Variants in TLL2 observed in about 807,000 individuals in gnomAD.
The protein encoded by TLL2 is tolloid-like protein 2.
In TLL2, 106 loss-of-function variants were observed where a neutral mutation model predicts 123.0. The ratio of observed to expected loss-of-function variants is 0.86; its 90% CI spans 0.74 to 1.01. TLL2 has a LOEUF of 1.01. TLL2 is among the 50% of genes least tolerant of loss of function. The pLI is 0.00. For synonymous variants in TLL2, 494 were observed against 516.8 expected, an observed-to-expected ratio of 0.96 and a Z score of 0.60; for missense variants, 1,332 against 1,336.7, an observed-to-expected ratio of 1.00 and a Z score of 0.06.
intron 1 of TLL2, among the ~76,000 whole-genome samples, chr10:96,490,696 T>C (rs1847404125): frequency 1.3e-5 from 2 of 152,346 alleles, no homozygotes; most frequent in Non-Finnish European, 2.9e-5. Flanking sequence ...CACAAAGCTA[T>C]TGAATTCTTA....
intron 16 of TLL2, among the ~76,000 whole-genome samples, chr10:96,384,070 T>C (rs993450480): frequency 1.3e-5 from 2 of 152,134 alleles, no homozygotes; most frequent in Non-Finnish European, 2.9e-5. Context: ...TGAGATGAAA[T>C]CATCTTGGAT....
chr10:96,392,765 G>A (rs1846300903), intron 13 of TLL2, among the ~76,000 whole-genome samples: 1 of 152,192 alleles, frequency 6.6e-6, no homozygotes. Context: ...CTGTGAATCT[G>A]TTACCTTAAT....
At chr10:96,478,203 C>A (rs992127514) in intron 2 of TLL2, among the ~76,000 whole-genome samples, 1 of 152,216 alleles carries the variant, frequency 6.6e-6, no homozygotes, top group African/African-American at 2.4e-5. Context: ...GTCTCTCACT[C>A]CCATCTGCCA....
At chr10:96,375,146 G>A (rs12268514) in intron 18 of TLL2, among the ~76,000 whole-genome samples, 81,806 of 151,948 alleles carry the variant, frequency 0.54, 23,404 homozygotes, top group Non-Finnish European at 0.65. Context: ...CAAGGTGGTG[G>A]GTAGAGACAC....
chr10:96,470,733 T>C (rs80350559), intron 2 of TLL2, among the ~76,000 whole-genome samples: 13,166 of 152,270 alleles, frequency 0.086, 682 homozygotes, highest in Non-Finnish European at 0.12. Flanking sequence ...ATTAGCTGTA[T>C]GCTCACCAAC....
At chr10:96,471,294 C>T (rs769532839) in intron 2 of TLL2, among the ~76,000 whole-genome samples, 5 of 152,074 alleles carry the variant, frequency 3.3e-5, no homozygotes, top group Admixed American at 6.6e-5. Context: ...CGTGAGCCAC[C>T]GCACCCGGCC....
At chr10:96,510,035 A>T (rs1048530646) in intron 1 of TLL2, among the ~76,000 whole-genome samples, 2 of 152,220 alleles carry the variant, frequency 1.3e-5, no homozygotes, top group African/African-American at 2.4e-5. Flanking sequence ...TCCCACTCCC[A>T]TTTTGTAGAT....
intron 13 of TLL2, among the ~76,000 whole-genome samples, chr10:96,390,687 C>G (rs1167343908): frequency 1.3e-5 from 2 of 152,252 alleles, no homozygotes; most frequent in African/African-American, 4.8e-5. Flanking sequence ...GACACACGTG[C>G]TAGGTACGTT....
At position 96,447,174 on chromosome 10, in the gene TLL2, G is replaced by A. The variant is rs924353204; in HGVS notation, c.287-1006C>T. On this transcript the variant is annotated intron_variant, in intron 2 of 20. Coordinates refer to ENST00000357947, the MANE Select transcript of TLL2 (RefSeq NM_012465.4). ...CCTCCGCAGGGGAAGGATCCAGAAG[G>A]AGCCTAGACGGGGACTGGGCTTGTC... Among the ~76,000 whole-genome samples the A allele has an allele frequency of 7.9e-5, 12 of 152,330 alleles. No homozygotes were observed. The South Asian group carries it at 2.3e-3, about 29-fold the overall frequency.
At chr10:96,387,853 A>G (rs1457416172) in intron 13 of TLL2, among the ~76,000 whole-genome samples, 2 of 152,218 alleles carry the variant, frequency 1.3e-5, no homozygotes, top group Non-Finnish European at 2.9e-5. Context: ...CGCCACTGAA[A>G]AAAAGAAAAA....
chr10:96,391,362 G>A lies in TLL2; in HGVS notation c.1726+3825C>T, dbSNP rs117884997. 2.4e-4 allele frequency among the ~76,000 whole-genome samples: 37 copies of A among 152,296 alleles called. No individual in the cohort carries two copies. The East Asian group carries it at 6.9e-3, about 29-fold the overall frequency. Reference sequence around the variant, plus strand: ...GAGCGAATAGCTAGTAGGGAACATGGGACCAGCACCTCAAACTCCACTTGC... The same window carrying A: ...GAGCGAATAGCTAGTAGGGAACATGAGACCAGCACCTCAAACTCCACTTGC... On this transcript the variant is annotated intron_variant, in intron 13 of 20. Transcript: ENST00000357947.
chr10:96,455,538 G>A (rs1166023962), intron 2 of TLL2, among the ~76,000 whole-genome samples: 4 of 152,166 alleles, frequency 2.6e-5, no homozygotes, highest in Non-Finnish European at 5.9e-5. Flanking sequence ...AACAGGTTGT[G>A]GGAAAGAAGC....
chr10:96,476,240 A>ATATATATATATATATTTTTT, intron 2 of TLL2, among the ~76,000 whole-genome samples: 4 of 20,496 alleles, frequency 2.0e-4, no homozygotes, highest in Non-Finnish European at 3.0e-4. Flanking sequence ...ATATATATAT[A>ATATATATATATATATTTTTT]TTTTATTTTT....
chr10:96,372,627 G>A (rs946235936), intron 19 of TLL2, among the ~76,000 whole-genome samples: 8 of 152,176 alleles, frequency 5.3e-5, no homozygotes, highest in Admixed American at 3.3e-4. Context: ...AAATCACGGG[G>A]AACAGAAACA....
Position 96,378,977 on chromosome 10 carries a change from G to C in TLL2, c.2310C>G (p.Asp770Glu). The C allele has an allele frequency of 6.2e-7, 1 of 1,614,186 alleles. No homozygotes were observed. The highest frequency in any genetic ancestry group is 8.5e-7 in the Non-Finnish European group (1 of 1,180,006). ...GAGGTCCAGCCTCACCCTCTTTGCA[G>C]TCATGCCCATTCTCGTGGAGCCAGT... ...NGYWLHENGH[D>E]CKEAGCAHKI... The change falls in exon 17 of 21, where the codon GAC becomes GAG. Residue 770 changes from aspartate (D) to glutamate (E), a missense_variant. By Grantham distance (45) the Asp-to-Glu change is conservative. Coordinates refer to ENST00000357947, the MANE Select transcript of TLL2 (RefSeq NM_012465.4).
chr10:96,513,551 C>T lies in TLL2; in HGVS notation c.135G>A (p.Thr45=), dbSNP rs1404723572. Residue 45 remains threonine, a synonymous_variant, in exon 1 of 21, where the codon ACG becomes ACA. Coordinates refer to ENST00000357947, the MANE Select transcript of TLL2 (RefSeq NM_012465.4). ...DYSELDGEEG[T]EQQLEHYHDP... ...CGTGGTAATGCTCCAGCTGCTGCTC[C>T]GTGCCCTCCTCGCCGTCCAGCTCTG... 1.9e-6 allele frequency: 3 copies of T among 1,612,384 alleles called. No individual in the cohort carries two copies. Among genetic ancestry groups the T allele is most frequent in the South Asian group, 1.1e-5 (1 of 91,074 alleles).
chr10:96,389,448 TG>T (rs1180554488), intron 13 of TLL2, among the ~76,000 whole-genome samples: 6 of 152,014 alleles, frequency 3.9e-5, no homozygotes, highest in African/African-American at 1.2e-4. Context: ...AGTGGAGCAG[TG>T]CAGGCCTGAG....
At chr10:96,484,539 C>T (rs1027840161) in intron 1 of TLL2, among the ~76,000 whole-genome samples, 4 of 149,492 alleles carry the variant, frequency 2.7e-5, no homozygotes, top group African/African-American at 9.8e-5. Flanking sequence ...GATAATATTG[C>T]CTATTCTGGA....
chr10:96,433,687 C>T (rs958855743), intron 3 of TLL2, among the ~76,000 whole-genome samples: 2 of 152,186 alleles, frequency 1.3e-5, no homozygotes, highest in African/African-American at 4.8e-5. Flanking sequence ...TAGAATCCCT[C>T]ATTATTCTAA....
Sources: allele counts gnomAD v4.1 joint callset (sites outside exome capture counted in the v4.1 genomes callset), GRCh38; gene constraint gnomAD v4.1.1; transcripts MANE v1.5; gene names NCBI Gene and HGNC (gene_info 2026-07-23, HGNC 2026-07-21).